Variants in MBP observed in about 807,000 individuals in gnomAD.
MBP encodes Golli-MBP.
In MBP, 16 loss-of-function variants were observed where a neutral mutation model predicts 35.8. The observed-to-expected ratio is 0.45, with a 90% CI of 0.30 to 0.68. The LOEUF (loss-of-function observed/expected upper bound fraction) is 0.68. Ranked by LOEUF, MBP falls within the 30% of genes least tolerant of loss-of-function variation. The pLI is 0.08. For synonymous variants in MBP, 143 were observed against 159.6 expected, an observed-to-expected ratio of 0.90 and a Z score of 0.78; for missense variants, 380 against 404.7, an observed-to-expected ratio of 0.94 and a Z score of 0.52.
At chr18:77,014,985 C>T (rs1267236223) in intron 4 of MBP, 3 of 984,842 alleles carry the variant, frequency 3.0e-6, no homozygotes, top group Non-Finnish European at 2.4e-6. Flanking sequence ...TGATAATTGG[C>T]CAGCCCTGTT....
intron 2 of MBP, chr18:77,087,658 A>AGGAGGGGAGG (rs1160608058): frequency 1.4e-5 from 2 of 143,056 alleles, no homozygotes; most frequent in African/African-American, 2.6e-5. Flanking sequence ...ACACCGCAGG[A>AGGAGGGGAGG]GGAGGGGAGG....
chr18:77,079,317 G>A (rs35854660), intron 2 of MBP, among the ~76,000 whole-genome samples: 51,792 of 152,138 alleles, frequency 0.34, 8,985 homozygotes, highest in East Asian at 0.42. Flanking sequence ...GGCACCTGGC[G>A]GGCACTGGGC....
chr18:77,067,015 G>C (rs568583625), intron 2 of MBP, among the ~76,000 whole-genome samples: 1 of 152,368 alleles, frequency 6.6e-6, no homozygotes, highest in East Asian at 1.9e-4. Flanking sequence ...GTGTGAGCTT[G>C]TTTTTCGAGT....
At chr18:77,009,886 T>C in intron 4 of MBP, 1 of 1,596,284 alleles carries the variant, frequency 6.3e-7, no homozygotes, top group Non-Finnish European at 8.5e-7. Flanking sequence ...GCTGCGGGCA[T>C]GAGAGGGCAG....
chr18:77,058,222 C>T (rs1309997849), intron 3 of MBP, among the ~76,000 whole-genome samples: 2 of 152,182 alleles, frequency 1.3e-5, no homozygotes, highest in African/African-American at 4.8e-5. Flanking sequence ...GGACGTCCAC[C>T]TCAGGGGCGG....
At chr18:77,110,056 T>C (rs1307471919) in intron 1 of MBP, 2 of 152,246 alleles carry the variant, frequency 1.3e-5, no homozygotes, top group African/African-American at 4.8e-5. Flanking sequence ...CTAAGTTAGA[T>C]AATTACAGGA....
At chr18:77,112,493 TGCAAAGGGGAA>T (rs1028013829) in intron 1 of MBP, 12 of 152,246 alleles carry the variant, frequency 7.9e-5, no homozygotes, top group African/African-American at 2.9e-4. Flanking sequence ...CCAACATCGG[TGCAAAGGGGAA>T]GCTGAGGTTT....
intron 3 of MBP, among the ~76,000 whole-genome samples, chr18:77,027,987 T>TTTA (rs980439393): frequency 6.7e-6 from 1 of 149,538 alleles, no homozygotes; most frequent in Non-Finnish European, 1.5e-5. Flanking sequence ...CTAATTTTTA[T>TTTA]TTATTTATTT....
chr18:77,088,976 C>A (rs1975391678), intron 2 of MBP, among the ~76,000 whole-genome samples: 1 of 152,254 alleles, frequency 6.6e-6, no homozygotes, highest in Non-Finnish European at 1.5e-5. Flanking sequence ...GGACAAGGCC[C>A]AGGCCACCCA....
chr18:77,037,637 G>C (rs1163215829), intron 3 of MBP, among the ~76,000 whole-genome samples: 1 of 152,246 alleles, frequency 6.6e-6, no homozygotes, highest in Non-Finnish European at 1.5e-5. Flanking sequence ...GACTGAGCAG[G>C]TAATTAAAAC....
In MBP at chr18:77,101,695, C is replaced by A. The variant is rs1440327397; in HGVS notation, c.51+3516G>T. On this transcript the variant is annotated intron_variant, in intron 2 of 8. Coordinates refer to ENST00000355994, the MANE Select transcript of MBP (RefSeq NM_001025101.2). The surrounding 1 kb of genome is among the most constrained non-coding windows in gnomAD (Gnocchi z 4.3). ...AATCAGAGACATTCCACAGTTAACCCTTTAGTTAGTTTCTCTTCCTCTTAC... is the reference window on the plus strand; with the variant it reads ...AATCAGAGACATTCCACAGTTAACCATTTAGTTAGTTTCTCTTCCTCTTAC... Among the ~76,000 whole-genome samples the A allele has an allele frequency of 6.6e-6, 1 of 152,144 alleles. No homozygotes were observed. The highest frequency in any genetic ancestry group is 2.4e-5 in the African/African-American group (1 of 41,420).
chr18:77,094,576 G>A (rs1296844475), intron 2 of MBP, among the ~76,000 whole-genome samples: 2 of 152,220 alleles, frequency 1.3e-5, no homozygotes, highest in Non-Finnish European at 2.9e-5. Flanking sequence ...ATGGTTTACA[G>A]CACGCCAGCA....
At chr18:77,022,159 A>G (rs1204554473) in intron 3 of MBP, among the ~76,000 whole-genome samples, 2 of 152,190 alleles carry the variant, frequency 1.3e-5, no homozygotes, top group Non-Finnish European at 2.9e-5. Flanking sequence ...CAGTCCACAT[A>G]AGACCTGGTT....
chr18:77,026,098 C>T (rs1972211311), intron 3 of MBP, among the ~76,000 whole-genome samples: 1 of 152,268 alleles, frequency 6.6e-6, no homozygotes. Context: ...TTCGACCACC[C>T]TGCATGAATC....
chr18:77,072,408 G>A (rs1427080957), intron 2 of MBP, among the ~76,000 whole-genome samples: 1 of 152,122 alleles, frequency 6.6e-6, no homozygotes, highest in Non-Finnish European at 1.5e-5. Context: ...CATGTACGTC[G>A]TATCAAAATC....
intron 2 of MBP, among the ~76,000 whole-genome samples, chr18:77,071,888 G>A (rs533013251): frequency 5.3e-5 from 8 of 152,244 alleles, no homozygotes; most frequent in African/African-American, 7.2e-5. Flanking sequence ...GAAGTGCACC[G>A]TGTTTATTTT....
At chr18:77,021,213 C>T (rs1971973504) in intron 3 of MBP, among the ~76,000 whole-genome samples, 1 of 152,146 alleles carries the variant, frequency 6.6e-6, no homozygotes, top group South Asian at 2.1e-4. Context: ...TGACACATTT[C>T]CCACCTGAGT....
chr18:77,037,586 C>G (rs931077152), intron 3 of MBP, among the ~76,000 whole-genome samples: 1 of 152,214 alleles, frequency 6.6e-6, no homozygotes, highest in African/African-American at 2.4e-5. Flanking sequence ...AGAAATGAAT[C>G]CAGAGTGGAG....
In MBP at chr18:77,109,163, A is replaced by G. The variant is rs147308050; in HGVS notation, c.-25-3877T>C. ...GGGTGGGTGGTGAGCAGCTGCAGAA[A>G]CATCGCTACCTACTTACTATCACAC... On this transcript the variant is annotated intron_variant, in intron 1 of 8. Coordinates refer to ENST00000355994, the MANE Select transcript of MBP (RefSeq NM_001025101.2). 945 of 152,292 alleles carry G rather than the reference A, an allele frequency of 6.2e-3. 4 individuals are homozygous for G. The highest frequency in any genetic ancestry group is 9.7e-3 in the Non-Finnish European group (662 of 68,048). 9.4% of individuals were successfully genotyped at this position (152,292 alleles called of 1,614,324 possible).
Sources: gnomAD v4.1 joint callset for allele counts (sites outside exome capture counted in the v4.1 genomes callset) on GRCh38, gnomAD v4.1.1 for gene constraint, Gnocchi (gnomAD v3.1) non-coding constraint, MANE v1.5 for transcripts, NCBI Gene and HGNC (gene_info 2026-07-23, HGNC 2026-07-21) for gene names.